Variants in MAGI2 observed in about 807,000 individuals in gnomAD.
The protein encoded by MAGI2 is membrane-associated guanylate kinase, WW and PDZ domain-containing protein 2.
A neutral mutation model predicts 133.3 loss-of-function variants in MAGI2; 35 were observed. That is an observed-to-expected ratio of 0.26 (90% CI 0.20 to 0.35). The LOEUF is 0.35. Among genes scored for constraint, MAGI2 ranks in the 10% least tolerant of loss-of-function variants. MAGI2 has a pLI of 1.00. For missense variants in MAGI2, 1,636 were observed against 1,863.4 expected, an observed-to-expected ratio of 0.88 and a Z score of 2.25; for synonymous variants, 729 against 710.6, an observed-to-expected ratio of 1.03 and a Z score of -0.41.
intron 3 of MAGI2, among the ~76,000 whole-genome samples, chr7:78,533,034 C>T (rs957077850): frequency 2.0e-4 from 31 of 151,920 alleles, no homozygotes; most frequent in Middle Eastern, 3.2e-3. Flanking sequence ...CTCTGCCTCC[C>T]GGGTTCATGC....
chr7:78,125,959 G>T, intron 19 of MAGI2, 122 bp from the exon 20 acceptor site: 1 of 1,039,216 alleles, frequency 9.6e-7, no homozygotes, highest in Non-Finnish European at 1.4e-6. Flanking sequence ...ATGATGTTGG[G>T]AGAAGTCGTA....
chr7:79,311,142 T>C lies in MAGI2; in HGVS notation c.301+141878A>G, dbSNP rs552944559. Among the ~76,000 whole-genome samples the C allele has an allele frequency of 7.9e-5, 12 of 152,238 alleles. No homozygotes were observed. The South Asian group carries it at 2.5e-3, about 32-fold the overall frequency. ...TTCCATCAAAACTGCTCATAAAAGA[T>C]CACCAATTACCCCTATGTTGCTAAA... On this transcript the variant is annotated intron_variant, in intron 1 of 21. Coordinates refer to ENST00000354212, the MANE Select transcript of MAGI2 (RefSeq NM_012301.4).
At chr7:78,808,750 C>T (rs1788795310) in intron 2 of MAGI2, among the ~76,000 whole-genome samples, 1 of 152,182 alleles carries the variant, frequency 6.6e-6, no homozygotes, top group African/African-American at 2.4e-5. Context: ...GGGTGAACCA[C>T]ACAGTCCTTT....
intron 2 of MAGI2, among the ~76,000 whole-genome samples, chr7:78,909,350 T>C (rs1421142508): frequency 1.3e-5 from 2 of 150,454 alleles, no homozygotes; most frequent in Non-Finnish European, 3.0e-5. Flanking sequence ...TCCCAGCACT[T>C]TGGGAGGCTG....
At chr7:78,194,763 C>T (rs564671493) in intron 12 of MAGI2, 111 bp downstream of exon 12, 1 of 932,064 alleles carries the variant, frequency 1.1e-6, no homozygotes, top group African/African-American at 1.7e-5. Flanking sequence ...TCTTGAAACA[C>T]TTTTGAAACT....
intron 2 of MAGI2, among the ~76,000 whole-genome samples, chr7:78,681,824 G>A (rs957060559): frequency 2.6e-5 from 4 of 152,060 alleles, no homozygotes; most frequent in Non-Finnish European, 5.9e-5. Context: ...AGAAGAAGAA[G>A]AATTTGCATA....
chr7:79,314,165 G>C (rs1271982460), intron 1 of MAGI2, among the ~76,000 whole-genome samples: 1 of 152,122 alleles, frequency 6.6e-6, no homozygotes, highest in Non-Finnish European at 1.5e-5. Context: ...GTAGAGACGG[G>C]GTTTCATCAT....
chr7:79,264,046 T>C (rs573129661), intron 1 of MAGI2, among the ~76,000 whole-genome samples: 23 of 152,142 alleles, frequency 1.5e-4, no homozygotes, highest in Non-Finnish European at 2.8e-4. Context: ...GCCACCACAT[T>C]TTTTTAAAGT....
At position 78,072,626 on chromosome 7, in the gene MAGI2, C is replaced by T. The variant is rs138542720; in HGVS notation, c.3706+6321G>A. The T allele has an allele frequency of 1.2e-3, 352 of 301,730 alleles. No individual in the cohort carries two copies. The East Asian group carries it at 0.017, about 15-fold the overall frequency. 18.7% of individuals were successfully genotyped at this position (301,730 alleles called of 1,614,324 possible). ...CATTAGAGGGAAGAAAGGATGTACT[C>T]AGCAGATAATAGCAAAAAAGATTAT... On this transcript the variant is annotated intron_variant, in intron 21 of 21. Coordinates refer to ENST00000354212, the MANE Select transcript of MAGI2 (RefSeq NM_012301.4).
At chr7:78,633,512 T>C (rs886824725) in intron 2 of MAGI2, among the ~76,000 whole-genome samples, 23 of 152,130 alleles carry the variant, frequency 1.5e-4, no homozygotes, top group African/African-American at 5.1e-4. Flanking sequence ...AAGACTATCC[T>C]GGCTAACACG....
intron 2 of MAGI2, among the ~76,000 whole-genome samples, chr7:78,645,788 G>A (rs1810823782): frequency 6.6e-6 from 1 of 150,950 alleles, no homozygotes; most frequent in Non-Finnish European, 1.5e-5. Flanking sequence ...GCCCAGACTG[G>A]AGTGCAGTGG....
chr7:78,889,937 T>C (rs1304117693), intron 2 of MAGI2, among the ~76,000 whole-genome samples: 8 of 152,106 alleles, frequency 5.3e-5, no homozygotes, highest in Non-Finnish European at 2.9e-5. Context: ...GACTGGCAAA[T>C]TGGATAAAGA....
intron 6 of MAGI2, among the ~76,000 whole-genome samples, chr7:78,407,900 C>A (rs1017739992): frequency 6.6e-6 from 1 of 151,528 alleles, no homozygotes; most frequent in South Asian, 2.1e-4. Context: ...TGCCAGAGAT[C>A]ATTTTTGTTA....
At chr7:78,661,863 T>C (rs1812993568) in intron 2 of MAGI2, among the ~76,000 whole-genome samples, 1 of 152,104 alleles carries the variant, frequency 6.6e-6, no homozygotes, top group Non-Finnish European at 1.5e-5. Context: ...CTTTTTAGAG[T>C]ATTTTTACAT....
At chr7:78,055,702 A>G (rs1248727954) in intron 21 of MAGI2, among the ~76,000 whole-genome samples, 1 of 152,254 alleles carries the variant, frequency 6.6e-6, no homozygotes, top group East Asian at 1.9e-4. Flanking sequence ...AGCAGCAAAA[A>G]CAGAAGCTGA....
At chr7:78,548,746 C>A (rs1429166916) in intron 3 of MAGI2, among the ~76,000 whole-genome samples, 3 of 152,108 alleles carry the variant, frequency 2.0e-5, no homozygotes, top group African/African-American at 7.2e-5. Context: ...TGTCTTAATG[C>A]TTAAAATGTA....
intron 4 of MAGI2, among the ~76,000 whole-genome samples, chr7:78,511,874 T>A (rs1471899331): frequency 6.6e-6 from 1 of 151,010 alleles, no homozygotes; most frequent in Non-Finnish European, 1.5e-5. Flanking sequence ...GGTGGGTGGA[T>A]CACAAAGTCA....
rs73373135 is a variant in MAGI2 at position 79,274,976 on chromosome 7, A to G, written c.301+178044T>C. Among the ~76,000 whole-genome samples, 645 of 152,282 alleles carry G rather than the reference A, an allele frequency of 4.2e-3. 3 individuals carry two copies. The highest frequency in any genetic ancestry group is 0.015 in the African/African-American group (607 of 41,570). The stretch of plus-strand genomic sequence containing the variant: ...ATGCTGTAAGTGTTCTAACTGCTCC[A>G]CTGACCAACCACTTTTTCCTCTCTC... On this transcript the variant is annotated intron_variant, in intron 1 of 21. Transcript: ENST00000354212.
chr7:78,529,204 G>A (rs1797226388), intron 3 of MAGI2, among the ~76,000 whole-genome samples: 1 of 152,138 alleles, frequency 6.6e-6, no homozygotes, highest in Admixed American at 6.5e-5. Context: ...AGTCCTCAGA[G>A]GTCACTCTGA....
Sources: gnomAD v4.1 joint callset for allele counts (sites outside exome capture counted in the v4.1 genomes callset) on GRCh38, gnomAD v4.1.1 for gene constraint, MANE v1.5 for transcripts, NCBI Gene and HGNC (gene_info 2026-07-23, HGNC 2026-07-21) for gene names.